Variants in LARGE1 observed in about 807,000 individuals in gnomAD.
The protein encoded by LARGE1 is LARGE xylosyl- and glucuronyltransferase 1.
In LARGE1, 43 loss-of-function variants were observed where a neutral mutation model predicts 87.6. The observed-to-expected ratio is 0.49, with a 90% CI of 0.38 to 0.63. The LOEUF (loss-of-function observed/expected upper bound fraction) is 0.63, where lower values mean the gene tolerates loss of function less well. Ranked by LOEUF, LARGE1 falls within the 30% of genes least tolerant of loss-of-function variation. The pLI is 0.00. For missense variants in LARGE1, 802 were observed against 1,000.2 expected, an observed-to-expected ratio of 0.80 and a Z score of 2.67; for synonymous variants, 434 against 394.6, an observed-to-expected ratio of 1.10 and a Z score of -1.18.
chr22:33,557,655 T>G (rs1263325571), intron 6 of LARGE1, among the ~76,000 whole-genome samples: 1 of 152,174 alleles, frequency 6.6e-6, no homozygotes, highest in East Asian at 1.9e-4. Flanking sequence ...AACCTCTGCC[T>G]CCAGGGTTCA....
chr22:33,098,735 C>A, the LARGE1 span, among the ~76,000 whole-genome samples: 11 of 152,306 alleles, frequency 7.2e-5, no homozygotes, highest in South Asian at 2.3e-3. Context: ...CTAGAGCTGG[C>A]GTTCTCTAAC....
intron 1 of LARGE1, among the ~76,000 whole-genome samples, chr22:33,795,905 G>A (rs548117253): frequency 3.3e-5 from 5 of 151,650 alleles, no homozygotes; most frequent in East Asian, 1.9e-4. Context: ...TGTAAGTGAC[G>A]AGTTAACGGG....
At chr22:33,622,486 A>G (rs2079786109) in intron 4 of LARGE1, among the ~76,000 whole-genome samples, 1 of 152,228 alleles carries the variant, frequency 6.6e-6, no homozygotes, top group South Asian at 2.1e-4. Flanking sequence ...TCTTTATAGT[A>G]GTATGAAAAT....
At chr22:33,165,949 G>C (rs991341343) in exon 12 of LARGE1, 1 of 152,132 alleles carries the variant, frequency 6.6e-6, no homozygotes, top group African/African-American at 2.4e-5. Flanking sequence ...AACAAAACAG[G>C]TACATAGAGG....
chr22:33,702,970 A>T (rs2082443745), intron 2 of LARGE1, among the ~76,000 whole-genome samples: 1 of 152,194 alleles, frequency 6.6e-6, no homozygotes, highest in South Asian at 2.1e-4. Flanking sequence ...CAAAGAAGGC[A>T]GGAAAAGGTG....
At chr22:33,774,318 G>C (rs1006398316) in intron 1 of LARGE1, among the ~76,000 whole-genome samples, 2 of 151,368 alleles carry the variant, frequency 1.3e-5, no homozygotes, top group African/African-American at 4.9e-5. Flanking sequence ...CTTAAAAAAA[G>C]GGTTAAAAAA....
chr22:33,289,016 T>C (rs546991691), intron 12 of LARGE1, among the ~76,000 whole-genome samples: 2 of 152,150 alleles, frequency 1.3e-5, no homozygotes, highest in African/African-American at 4.8e-5. Context: ...TGGAGTGCGG[T>C]GGTGCGATCT....
chr22:33,509,457 AT>A (rs561143277), intron 6 of LARGE1, among the ~76,000 whole-genome samples: 4 of 149,602 alleles, frequency 2.7e-5, no homozygotes, highest in African/African-American at 7.4e-5. Flanking sequence ...AGGGATTTTT[AT>A]TTTTTTTTTA....
At chr22:33,760,164 G>C (rs749750736) in intron 2 of LARGE1, among the ~76,000 whole-genome samples, 1 of 152,178 alleles carries the variant, frequency 6.6e-6, no homozygotes, top group Non-Finnish European at 1.5e-5. Context: ...ATTTTCATTT[G>C]AGATCTTCCT....
chr22:33,708,236 A>C (rs1408912935), intron 2 of LARGE1, among the ~76,000 whole-genome samples: 4 of 148,940 alleles, frequency 2.7e-5, no homozygotes, highest in Non-Finnish European at 6.0e-5. Flanking sequence ...GCTGATATGG[A>C]GCTGCTATTG....
chr22:33,463,149 C>T (rs1271597375), intron 6 of LARGE1, among the ~76,000 whole-genome samples: 2 of 150,858 alleles, frequency 1.3e-5, no homozygotes, highest in East Asian at 3.9e-4. Context: ...ATAACACCTG[C>T]CATCTTGGTG....
chr22:33,439,258 G>C (rs915685606), intron 6 of LARGE1, among the ~76,000 whole-genome samples: 2 of 150,986 alleles, frequency 1.3e-5, no homozygotes, highest in Middle Eastern at 3.4e-3. Flanking sequence ...GCTGGCTCAT[G>C]GGAGATGCTC....
At chr22:33,181,249 G>T (rs776605219) in intron 11 of LARGE1, among the ~76,000 whole-genome samples, 5 of 151,996 alleles carry the variant, frequency 3.3e-5, no homozygotes, top group Admixed American at 6.6e-5. Flanking sequence ...TGAAGAAGAG[G>T]TCCAATCCAG....
the LARGE1 span, among the ~76,000 whole-genome samples, chr22:33,128,300 G>C: frequency 6.6e-6 from 1 of 152,126 alleles, no homozygotes; most frequent in Non-Finnish European, 1.5e-5. Context: ...ATACATGCGT[G>C]GGTATGTTCC....
intron 6 of LARGE1, among the ~76,000 whole-genome samples, chr22:33,512,696 G>A (rs553143326): frequency 1.3e-5 from 2 of 152,248 alleles, no homozygotes; most frequent in Admixed American, 1.3e-4. Flanking sequence ...CCAGCTACTC[G>A]GGAGGCTGAG....
At chr22:33,401,765 A>G (rs768251157) in intron 7 of LARGE1, among the ~76,000 whole-genome samples, 6 of 152,214 alleles carry the variant, frequency 3.9e-5, no homozygotes, top group Non-Finnish European at 7.3e-5. Flanking sequence ...CAACCTTGTC[A>G]ATACCTTGGT....
At chr22:33,449,645 G>A (rs989214552) in intron 6 of LARGE1, among the ~76,000 whole-genome samples, 17 of 152,182 alleles carry the variant, frequency 1.1e-4, no homozygotes, top group African/African-American at 4.1e-4. Context: ...AAAAACCAAG[G>A]TTTCTGAATC....
intron 1 of LARGE1, among the ~76,000 whole-genome samples, chr22:33,770,337 T>C (rs1033597079): frequency 6.6e-6 from 1 of 152,234 alleles, no homozygotes; most frequent in Non-Finnish European, 1.5e-5. Flanking sequence ...TCATAAAGCA[T>C]TGCACTGATA....
At chr22:33,343,500 T>C (rs1383975794) in intron 9 of LARGE1, among the ~76,000 whole-genome samples, 1 of 152,184 alleles carries the variant, frequency 6.6e-6, no homozygotes, top group African/African-American at 2.4e-5. Context: ...TTTACTTCTC[T>C]ACATTGAATG....
Sources: allele counts gnomAD v4.1 joint callset (sites outside exome capture counted in the v4.1 genomes callset), GRCh38; gene constraint gnomAD v4.1.1; transcripts MANE v1.5; gene names NCBI Gene and HGNC (gene_info 2026-07-23, HGNC 2026-07-21).